Variants in PLD1 observed in about 807,000 individuals in gnomAD.
The protein encoded by PLD1 is choline phosphatase 1.
PLD1 carries 112 observed loss-of-function variants against 137.1 expected under a neutral mutation model. That is an observed-to-expected ratio of 0.82 (90% CI 0.70 to 0.96). The LOEUF is 0.96. PLD1 is among the 40% of genes least tolerant of loss of function. The pLI is 0.00. For missense variants in PLD1, 1,321 were observed against 1,342.0 expected (o/e 0.98, Z 0.24); for synonymous variants, 431 against 454.7 (o/e 0.95, Z 0.66).
chr3:171,747,755 C>G (rs776670393), intron 1 of PLD1, among the ~76,000 whole-genome samples: 1 of 152,206 alleles, frequency 6.6e-6, no homozygotes, highest in African/African-American at 2.4e-5. Flanking sequence ...GTCCTTACAA[C>G]AGACCTATGA....
chr3:171,614,871 T>C (rs1578106299), intron 24 of PLD1, among the ~76,000 whole-genome samples: 1 of 152,142 alleles, frequency 6.6e-6, no homozygotes, highest in Non-Finnish European at 1.5e-5. Flanking sequence ...CCCACCACAG[T>C]GGGCCCCGAC....
rs1560240679 is a variant in PLD1, at chr3:171,711,189, T to TG, written c.912-1481dup. On this transcript the variant is annotated intron_variant, in intron 9 of 26. Coordinates refer to ENST00000351298, the MANE Select transcript of PLD1 (RefSeq NM_002662.5). ...AGCCTTTTTTTTTTTTTTTTTTTTT[T>TG]GAAATGGAGTCTTGCTTTGTCACCA... Among the ~76,000 whole-genome samples, 5 of 87,534 alleles carry TG rather than the reference T, an allele frequency of 5.7e-5. 1 individual carries two copies. Among genetic ancestry groups the TG allele is most frequent in the Non-Finnish European group, 1.1e-4 (5 of 44,384 alleles). The allele number at this position is 87,534 out of a possible 152,430, so 57.4% of individuals were successfully genotyped here.
At chr3:171,757,420 G>T (rs986469629) in intron 1 of PLD1, among the ~76,000 whole-genome samples, 1 of 152,170 alleles carries the variant, frequency 6.6e-6, no homozygotes, top group African/African-American at 2.4e-5. Flanking sequence ...CCAAAAAAAT[G>T]TAGAAAAGAT....
In PLD1 at chr3:171,659,299, G is replaced by C. The variant is rs768955377; in HGVS notation, c.2343C>G (p.Asn781Lys). The part of the protein sequence containing the change: ...ENSRHYIYIE[N>K]QFFISCADDK... ...CATCAGCACAGCTTATGAAAAACTG[G>C]TTCTATGAGAAATAAACAAGACAAT... The change falls in exon 21 of 27, where the codon AAC becomes AAG. Residue 781 changes from asparagine (N) to lysine (K), a missense_variant and splice_region_variant. Coordinates refer to ENST00000351298, the MANE Select transcript of PLD1 (RefSeq NM_002662.5). 5 of 1,600,300 alleles carry C rather than the reference G, an allele frequency of 3.1e-6. No individual in the cohort carries two copies. Among genetic ancestry groups the C allele is most frequent in the African/African-American group, 1.3e-5 (1 of 74,688 alleles).
chr3:171,782,760 A>T (rs11919343), intron 1 of PLD1, among the ~76,000 whole-genome samples: 108 of 152,340 alleles, frequency 7.1e-4, no homozygotes, highest in African/African-American at 2.5e-3. Context: ...AGAGGAACAA[A>T]GATATGAGGC....
intron 1 of PLD1, among the ~76,000 whole-genome samples, chr3:171,772,183 A>G (rs1470377422): frequency 6.6e-6 from 1 of 152,196 alleles, no homozygotes; most frequent in African/African-American, 2.4e-5. Context: ...CAGTATACTT[A>G]TTTTCCCCTA....
At chr3:171,633,779 CCTTAT>C (rs1162337664) in intron 23 of PLD1, among the ~76,000 whole-genome samples, 1 of 151,958 alleles carries the variant, frequency 6.6e-6, no homozygotes, top group Non-Finnish European at 1.5e-5. Context: ...AACTTCTGGC[CCTTAT>C]CTTAAATTAT....
intron 6 of PLD1, among the ~76,000 whole-genome samples, chr3:171,727,430 A>G (rs1276713611): frequency 1.3e-5 from 2 of 152,236 alleles, no homozygotes; most frequent in African/African-American, 2.4e-5. Context: ...GGAGGCATAG[A>G]AGGGAAAAAC....
chr3:171,629,544 C>T (rs950466715), intron 23 of PLD1, among the ~76,000 whole-genome samples: 16 of 152,184 alleles, frequency 1.1e-4, no homozygotes, highest in Admixed American at 5.2e-4. Context: ...AAAAAGAGCC[C>T]GCATTGCCAA....
At position 171,708,796 on chromosome 3, in the gene PLD1, T is replaced by C. The variant is rs754809337; in HGVS notation, c.1104A>G (p.Ala368=). The part of the protein sequence containing the change: ...AKGYFEDVAN[A]MEEANEEIFI... ...AAATCTCTTCATTTGCCTCTTCCAT[T>C]GCATTTGCCACATCTTCAAAATATC... The change falls in exon 11 of 27, where the codon GCA becomes GCG. Residue 368 remains alanine (A), a synonymous_variant. Transcript: ENST00000351298. 1.9e-6 allele frequency: 3 copies of C among 1,603,524 alleles called. No individual in the cohort carries two copies. In the South Asian group the frequency reaches 3.3e-5, roughly 18 times the overall value.
chr3:171,655,120 G>A (rs896794029), intron 21 of PLD1, among the ~76,000 whole-genome samples: 4 of 152,104 alleles, frequency 2.6e-5, no homozygotes, highest in South Asian at 2.1e-4. Flanking sequence ...GGCTGACTGC[G>A]GACTGTCATT....
intron 1 of PLD1, among the ~76,000 whole-genome samples, chr3:171,750,937 A>G (rs1317477477): frequency 6.6e-6 from 1 of 152,198 alleles, no homozygotes; most frequent in East Asian, 1.9e-4. Flanking sequence ...CCTGAAAGAA[A>G]TAAAATTTTA....
intron 1 of PLD1, among the ~76,000 whole-genome samples, chr3:171,766,256 T>C (rs972701456): frequency 1.3e-5 from 2 of 152,208 alleles, no homozygotes; most frequent in Non-Finnish European, 1.5e-5. Context: ...TCTACTATTA[T>C]ATGTTGGTAT....
Position 171,639,264 on chromosome 3 carries a change from A to AATATATAAATATATCATATATTATCT in PLD1, c.2593+3550_2593+3575dup, listed in dbSNP as rs1460241040. On this transcript the variant is annotated intron_variant, in intron 23 of 26. Transcript: ENST00000351298. Reference sequence around the variant, plus strand: ...TATTTATAATATATAACATATAAGTAATATATAAATATATCATATATTATC... The same window carrying AATATATAAATATATCATATATTATCT: ...TATTTATAATATATAACATATAAGTAATATATAAATATATCATATATTATCTATATATAAATATATCATATATTATC... Among the ~76,000 whole-genome samples the AATATATAAATATATCATATATTATCT allele has an allele frequency of 3.5e-3, 497 of 140,902 alleles. 11 individuals carry two copies. The highest frequency in any genetic ancestry group is 9.9e-3 in the African/African-American group (376 of 38,012). The allele number at this position is 140,902 out of a possible 152,430, so 92.4% of individuals were successfully genotyped here. A position where few individuals can be genotyped will look rare whatever the true frequency, so the allele number is the denominator to read the frequency against.
At chr3:171,664,987 A>G (rs1711958820) in intron 19 of PLD1, among the ~76,000 whole-genome samples, 1 of 152,214 alleles carries the variant, frequency 6.6e-6, no homozygotes, top group African/African-American at 2.4e-5. Context: ...GTAAAAAGTT[A>G]TAGGCAAAGT....
intron 1 of PLD1, among the ~76,000 whole-genome samples, chr3:171,766,580 A>G (rs184687217): frequency 6.6e-6 from 1 of 152,306 alleles, no homozygotes; most frequent in African/African-American, 2.4e-5. Flanking sequence ...ATTTTCCATA[A>G]ATAAAATTGT....
At chr3:171,625,249 T>C (rs897572904) in intron 23 of PLD1, among the ~76,000 whole-genome samples, 26 of 152,318 alleles carry the variant, frequency 1.7e-4, no homozygotes, top group African/African-American at 6.0e-4. Context: ...TCTCGCTGAT[T>C]GCTAGCACAG....
At chr3:171,647,812 T>A (rs1266081981) in intron 21 of PLD1, among the ~76,000 whole-genome samples, 1 of 152,122 alleles carries the variant, frequency 6.6e-6, no homozygotes, top group African/African-American at 2.4e-5. Flanking sequence ...ATCATAATGA[T>A]CTATTCCCAA....
At chr3:171,802,516 T>C (rs1010364961) in intron 1 of PLD1, among the ~76,000 whole-genome samples, 2 of 151,910 alleles carry the variant, frequency 1.3e-5, no homozygotes, top group Non-Finnish European at 2.9e-5. Flanking sequence ...GCAGAGGGAA[T>C]AGCATGATTA....
Sources: gnomAD v4.1 joint callset for allele counts (sites outside exome capture counted in the v4.1 genomes callset) on GRCh38, gnomAD v4.1.1 for gene constraint, MANE v1.5 for transcripts, NCBI Gene and HGNC (gene_info 2026-07-23, HGNC 2026-07-21) for gene names.